The following PDE8A variants were observed in gnomAD, a reference collection of about 807,000 sequenced individuals.
PDE8A encodes high affinity cAMP-specific and IBMX-insensitive 3',5'-cyclic phosphodiesterase 8A.
A neutral mutation model predicts 105.0 loss-of-function variants in PDE8A; 59 were observed. That is an observed-to-expected ratio of 0.56 (90% CI 0.46 to 0.70). The LOEUF is 0.70. PDE8A is among the 30% of genes least tolerant of loss of function. The pLI is 0.00. For synonymous variants in PDE8A, 355 were observed against 371.9 expected (o/e 0.95, Z 0.52); for missense variants, 1,014 against 1,045.9 (o/e 0.97, Z 0.42).
chr15:85,121,452 A>G lies in PDE8A; in HGVS notation c.1952+438A>G, dbSNP rs143292504. Among the ~76,000 whole-genome samples, 345 of 152,250 alleles carry G rather than the reference A, an allele frequency of 2.3e-3. 2 individuals are homozygous for G. Among genetic ancestry groups the G allele is most frequent in the African/African-American group, 8.0e-3 (334 of 41,552 alleles). ...GCTAAGTTAAACCCTCTAATTATTC[A>G]ATCCCAGATTTCTTCATAGCACGTA... On this transcript the variant is annotated intron_variant, in intron 18 of 21. Transcript: ENST00000394553.
intron 1 of PDE8A, among the ~76,000 whole-genome samples, chr15:85,021,425 C>G (rs535054246): frequency 6.6e-6 from 1 of 151,852 alleles, no homozygotes; most frequent in African/African-American, 2.4e-5. Context: ...TGCCCGTAGT[C>G]CTAGCTACTG....
chr15:85,088,883 C>T (rs2081595564), intron 6 of PDE8A, among the ~76,000 whole-genome samples: 1 of 152,164 alleles, frequency 6.6e-6, no homozygotes, highest in Non-Finnish European at 1.5e-5. Context: ...TTTCCAGATG[C>T]CCTCAATTTT....
chr15:85,078,256 C>CAG (rs34005057), intron 5 of PDE8A, among the ~76,000 whole-genome samples: 84,201 of 151,342 alleles, frequency 0.56, 24,709 homozygotes, highest in African/African-American at 0.77. Flanking sequence ...AAGTGGAAAA[C>CAG]AAGACAGTGG....
At chr15:85,091,214 C>T (rs199787297) in intron 8 of PDE8A, 33 bp downstream of exon 8, 3 of 1,560,012 alleles carry the variant, frequency 1.9e-6, no homozygotes, top group Non-Finnish European at 2.6e-6. Flanking sequence ...TTTTAACTTT[C>T]ACAACACAGA....
chr15:85,112,465 A>G (rs1333822698), intron 12 of PDE8A, among the ~76,000 whole-genome samples: 6 of 152,206 alleles, frequency 3.9e-5, no homozygotes, highest in South Asian at 2.1e-4. Context: ...AGGAGTTTTT[A>G]TTTTTGGTTT....
chr15:85,054,034 T>C (rs1253294039), intron 1 of PDE8A, among the ~76,000 whole-genome samples: 1 of 106,302 alleles, frequency 9.4e-6, no homozygotes, highest in Non-Finnish European at 2.1e-5. Flanking sequence ...TGAAGGGCTG[T>C]TGAATTTTGT....
chr15:84,986,118 T>C (rs1244596123), intron 1 of PDE8A, among the ~76,000 whole-genome samples: 2 of 152,080 alleles, frequency 1.3e-5, no homozygotes, highest in Non-Finnish European at 1.5e-5. Context: ...TCCCAGATAC[T>C]TGGGAGGCTG....
intron 5 of PDE8A, among the ~76,000 whole-genome samples, chr15:85,078,900 A>G (rs2081421791): frequency 6.6e-6 from 1 of 152,226 alleles, no homozygotes; most frequent in African/African-American, 2.4e-5. Flanking sequence ...TAGCCAAGTT[A>G]TTGTTTAACC....
intron 14 of PDE8A, among the ~76,000 whole-genome samples, chr15:85,114,267 T>A (rs1596532643): frequency 6.6e-6 from 1 of 152,308 alleles, no homozygotes; most frequent in East Asian, 1.9e-4. Context: ...AGGAATGTAA[T>A]CCTGACAGTC....
chr15:85,062,875 T>A (rs961322154), intron 1 of PDE8A: 1 of 152,268 alleles, frequency 6.6e-6, no homozygotes, highest in African/African-American at 2.4e-5. Flanking sequence ...TACTCTACTG[T>A]CTTCTCTAAA....
intron 1 of PDE8A, among the ~76,000 whole-genome samples, chr15:84,989,379 C>T (rs1313680246): frequency 7.9e-5 from 12 of 152,218 alleles, no homozygotes; most frequent in African/African-American, 2.9e-4. Flanking sequence ...CACTGCTTGC[C>T]TTCTCCCTTT....
intron 13 of PDE8A, 78 bp from the exon 14 acceptor site, chr15:85,113,795 C>G (rs1422831279): frequency 2.7e-6 from 3 of 1,126,534 alleles, no homozygotes; most frequent in African/African-American, 1.5e-5. Flanking sequence ...GCTGGAATTA[C>G]AGACACGTAC....
At chr15:85,133,862 C>T (rs890609514) in intron 20 of PDE8A, among the ~76,000 whole-genome samples, 5 of 152,216 alleles carry the variant, frequency 3.3e-5, no homozygotes, top group Non-Finnish European at 7.3e-5. Flanking sequence ...TGGTTTGTCT[C>T]TGGCTGGGGC....
chr15:85,011,940 T>A (rs948526418), intron 1 of PDE8A, among the ~76,000 whole-genome samples: 2 of 152,038 alleles, frequency 1.3e-5, no homozygotes, highest in African/African-American at 4.8e-5. Flanking sequence ...AAAAAACACA[T>A]GAAAAAATGC....
intron 1 of PDE8A, among the ~76,000 whole-genome samples, chr15:85,030,752 CT>C (rs1183976000): frequency 1.3e-5 from 2 of 152,168 alleles, no homozygotes; most frequent in Non-Finnish European, 2.9e-5. Flanking sequence ...TGTCCCTCTT[CT>C]TATCTGGCAG....
At position 85,138,663 on chromosome 15, in the gene PDE8A, G is replaced by C. The variant is rs1403600470; in HGVS notation, c.*760G>C. On this transcript the variant is annotated 3_prime_UTR_variant, in exon 22 of 22. Coordinates refer to ENST00000394553, the MANE Select transcript of PDE8A (RefSeq NM_002605.3). ...TTCTGATTGAGGCTAACTGGAAAAA[G>C]CTGGGGTCGTATTCTAAGTGCTAAA... 6.6e-6 allele frequency: 1 copy of C among 152,284 alleles called. No homozygotes were observed. Among genetic ancestry groups the C allele is most frequent in the Non-Finnish European group, 1.5e-5 (1 of 68,040 alleles). The allele number at this position is 152,284 out of a possible 1,614,324, so 9.4% of individuals were successfully genotyped here.
At chr15:85,037,223 G>A (rs1366719944) in intron 1 of PDE8A, among the ~76,000 whole-genome samples, 3 of 151,918 alleles carry the variant, frequency 2.0e-5, no homozygotes, top group Non-Finnish European at 4.4e-5. Context: ...CCACGACCAC[G>A]CCCAGCTAAT....
chr15:85,049,015 T>C (rs2080930184), intron 1 of PDE8A, among the ~76,000 whole-genome samples: 1 of 152,012 alleles, frequency 6.6e-6, no homozygotes, highest in Admixed American at 6.6e-5. Flanking sequence ...GGCAGGAGAA[T>C]TGCTTGAATC....
At chr15:85,032,714 G>A (rs1331538766) in intron 1 of PDE8A, among the ~76,000 whole-genome samples, 2 of 152,056 alleles carry the variant, frequency 1.3e-5, no homozygotes, top group South Asian at 2.1e-4. Context: ...GTATTTTCAA[G>A]AAAATACTCA....
Sources: allele counts gnomAD v4.1 joint callset (sites outside exome capture counted in the v4.1 genomes callset), GRCh38; gene constraint gnomAD v4.1.1; transcripts MANE v1.5; gene names NCBI Gene and HGNC (gene_info 2026-07-23, HGNC 2026-07-21).